MRTFB: variants seen among roughly 807,000 people sequenced by gnomAD.
MRTFB encodes myocardin related transcription factor B.
Under a neutral mutation model 104.2 loss-of-function variants are expected in MRTFB, and 29 were observed. The observed-to-expected ratio is 0.28, with a 90% confidence interval of 0.21 to 0.38. MRTFB has a LOEUF of 0.38. Among genes scored for constraint, MRTFB ranks in the 10% least tolerant of loss-of-function variants. The pLI is 1.00. For missense variants in MRTFB, 1,270 were observed against 1,341.6 expected (o/e 0.95, Z 0.83); for synonymous variants, 535 against 519.5 (o/e 1.03, Z -0.41).
chr16:14,234,614 C>T (rs2042414615), intron 9 of MRTFB, among the ~76,000 whole-genome samples: 1 of 152,052 alleles, frequency 6.6e-6, no homozygotes, highest in Non-Finnish European at 1.5e-5. Context: ...GGCAACATAG[C>T]AAGACACTGT....
At chr16:14,068,935 C>G (rs1176189153), upstream of MRTFB, among the ~76,000 whole-genome samples, 3 of 150,956 alleles carry the variant, frequency 2.0e-5, no homozygotes, top group Admixed American at 6.6e-5. Context: ...TCTCCTGTCC[C>G]TCGACACCAG....
At chr16:14,045,816 G>C in the MRTFB span, among the ~76,000 whole-genome samples, 1 of 152,210 alleles carries the variant, frequency 6.6e-6, no homozygotes, top group Non-Finnish European at 1.5e-5. Context: ...TCAAATTGCG[G>C]TGCCTGTGCC....
At chr16:14,133,151 CAT>C (rs1182219029) in intron 2 of MRTFB, among the ~76,000 whole-genome samples, 4 of 152,176 alleles carry the variant, frequency 2.6e-5, no homozygotes, top group African/African-American at 9.7e-5. Context: ...AACTCGAAGT[CAT>C]AGACAGTGGT....
intron 1 of MRTFB, among the ~76,000 whole-genome samples, chr16:14,072,319 C>T (rs866426777): frequency 7.9e-5 from 12 of 152,124 alleles, no homozygotes; most frequent in African/African-American, 2.4e-4. Context: ...TTGATTGAAG[C>T]GTAAGGGCGA....
At chr16:14,224,808 T>A (rs1272044081) in intron 8 of MRTFB, among the ~76,000 whole-genome samples, 7 of 152,354 alleles carry the variant, frequency 4.6e-5, no homozygotes, top group African/African-American at 1.4e-4. Context: ...TTATTACCAC[T>A]AGAATTGCTC....
intron 3 of MRTFB, chr16:14,200,539 T>C: frequency 6.2e-7 from 1 of 1,607,792 alleles, no homozygotes; most frequent in South Asian, 1.1e-5. Context: ...GCAGCAGCTT[T>C]ATTACCTGTA....
chr16:13,998,871 CAAAA>C, the MRTFB span, among the ~76,000 whole-genome samples: 3 of 29,684 alleles, frequency 1.0e-4, no homozygotes, highest in African/African-American at 2.4e-4. Context: ...GACTCTGTTT[CAAAA>C]AAAAAAAAAA....
intron 9 of MRTFB, among the ~76,000 whole-genome samples, chr16:14,238,610 G>A (rs1036548801): frequency 5.3e-5 from 8 of 152,186 alleles, no homozygotes; most frequent in East Asian, 1.9e-4. Context: ...CAATGAAGTC[G>A]AGGAACTAAG....
In MRTFB at chr16:14,131,565, A is replaced by G. The variant is rs141674617; in HGVS notation, c.-63-8979A>G. On this transcript the variant is annotated intron_variant, in intron 2 of 16. Coordinates refer to ENST00000571589, the MANE Select transcript of MRTFB (RefSeq NM_001308142.2). Reference sequence around the variant, plus strand: ...ATTTGCAAATCTATAAGGATCTGGTATCCATTAGACTTACATATAATGAAA... The same window carrying G: ...ATTTGCAAATCTATAAGGATCTGGTGTCCATTAGACTTACATATAATGAAA... Among the ~76,000 whole-genome samples, 9 of 152,352 alleles carry G rather than the reference A, an allele frequency of 5.9e-5. No homozygotes were observed. In the East Asian group the frequency reaches 1.7e-3, roughly 29 times the overall value.
At chr16:14,086,706 T>C (rs1221994552) in intron 2 of MRTFB, among the ~76,000 whole-genome samples, 3 of 152,222 alleles carry the variant, frequency 2.0e-5, no homozygotes, top group African/African-American at 7.2e-5. Flanking sequence ...GATGACTTAA[T>C]TTATTTAATT....
intron 3 of MRTFB, among the ~76,000 whole-genome samples, chr16:14,203,156 ACTC>A (rs2040784771): frequency 6.7e-6 from 1 of 149,174 alleles, no homozygotes; most frequent in African/African-American, 2.5e-5. Context: ...TTTTTTTTTC[ACTC>A]CTCATGATCC....
chr16:14,026,700 G>T, the MRTFB span, among the ~76,000 whole-genome samples: 1 of 152,176 alleles, frequency 6.6e-6, no homozygotes, highest in Non-Finnish European at 1.5e-5. Flanking sequence ...TAAAAACTCA[G>T]TGGTTGAAAA....
At chr16:14,144,008 T>C (rs2038163191) in intron 3 of MRTFB, 1 of 152,242 alleles carries the variant, frequency 6.6e-6, no homozygotes, top group Non-Finnish European at 1.5e-5. Context: ...TTTAAAAGGC[T>C]ACTTTGTAAC....
chr16:14,081,156 G>T lies in MRTFB; in HGVS notation c.-64+1802G>T, dbSNP rs117809415. ...TTTCTTTGTCTCTACATTTTTGCCA[G>T]CATTTGTTACCTTTTATCTTTTTGA... On this transcript the variant is annotated intron_variant, in intron 2 of 16. Coordinates refer to ENST00000571589, the MANE Select transcript of MRTFB (RefSeq NM_001308142.2). Among the ~76,000 whole-genome samples the T allele has an allele frequency of 1.1e-3, 167 of 152,266 alleles. 2 individuals are homozygous for T. In the East Asian group the frequency reaches 0.017, roughly 15 times the overall value.
the MRTFB span, among the ~76,000 whole-genome samples, chr16:14,058,712 GTTTTT>G: frequency 6.0e-3 from 524 of 86,906 alleles, 1 homozygote; most frequent in African/African-American, 0.021. Context: ...ATTTGTATTT[GTTTTT>G]TTTTTTTTTT....
At chr16:14,101,698 T>A (rs2035711060) in intron 2 of MRTFB, among the ~76,000 whole-genome samples, 2 of 151,948 alleles carry the variant, frequency 1.3e-5, no homozygotes, top group South Asian at 4.2e-4. Context: ...AACTTGGGGG[T>A]AGAGTGAGGT....
chr16:14,160,351 G>C (rs961211731), intron 3 of MRTFB, among the ~76,000 whole-genome samples: 3 of 152,138 alleles, frequency 2.0e-5, no homozygotes, highest in Non-Finnish European at 4.4e-5. Context: ...AATATTGTTG[G>C]TGATAACACT....
At chr16:14,228,900 T>C (rs930638586) in intron 8 of MRTFB, among the ~76,000 whole-genome samples, 2 of 152,218 alleles carry the variant, frequency 1.3e-5, no homozygotes, top group South Asian at 4.1e-4. Context: ...AAAATGATGA[T>C]TGCCTGGGGG....
the MRTFB span, chr16:14,020,271 C>G: frequency 6.6e-6 from 1 of 152,198 alleles, no homozygotes; most frequent in African/African-American, 2.4e-5. Flanking sequence ...CCATCCTGCT[C>G]TACACCCTAA....
Sources: allele counts gnomAD v4.1 joint callset (sites outside exome capture counted in the v4.1 genomes callset), GRCh38; gene constraint gnomAD v4.1.1; transcripts MANE v1.5; gene names NCBI Gene and HGNC (gene_info 2026-07-23, HGNC 2026-07-21).